The following ADGRD1 variants were observed in gnomAD, a reference collection of about 807,000 sequenced individuals.
ADGRD1 encodes adhesion G protein-coupled receptor D1, also known as G-protein coupled receptor 133.
ADGRD1 carries 77 observed loss-of-function variants against 113.4 expected under a neutral mutation model. The ratio of observed to expected loss-of-function variants is 0.68; its 90% confidence interval spans 0.57 to 0.82. ADGRD1 has a LOEUF of 0.82. Ranked by LOEUF, ADGRD1 falls within the 40% of genes least tolerant of loss-of-function variation. ADGRD1 has a pLI of 0.00. For missense variants in ADGRD1, 1,036 were observed against 1,139.1 expected (o/e 0.91, Z 1.30); for synonymous variants, 474 against 475.0 (o/e 1.00, Z 0.03).
intron 20 of ADGRD1, among the ~76,000 whole-genome samples, chr12:131,129,197 TGA>T (rs1324292180): frequency 2.0e-5 from 2 of 99,722 alleles, no homozygotes; most frequent in South Asian, 4.3e-4. Flanking sequence ...CTGTCTGGTG[TGA>T]GTGACAGCCC....
At chr12:130,964,039 ATATATT>A (rs1334154220) in intron 2 of ADGRD1, among the ~76,000 whole-genome samples, 4 of 152,136 alleles carry the variant, frequency 2.6e-5, no homozygotes, top group Non-Finnish European at 5.9e-5. Context: ...GCATCACTTG[ATATATT>A]TATACGTAAT....
chr12:131,005,058 G>T (rs112060187), intron 11 of ADGRD1, among the ~76,000 whole-genome samples: 52 of 152,300 alleles, frequency 3.4e-4, no homozygotes, highest in Admixed American at 9.8e-4. Flanking sequence ...TTAGGGATGG[G>T]GACCAGGACA....
intron 13 of ADGRD1, chr12:131,023,539 C>T (rs1879577341): frequency 6.6e-6 from 1 of 152,158 alleles, no homozygotes; most frequent in Non-Finnish European, 1.5e-5. Flanking sequence ...ATAGCCCCTT[C>T]TGTCTCCTGT....
chr12:131,058,436 G>A (rs1031444185), intron 13 of ADGRD1, among the ~76,000 whole-genome samples: 2 of 152,168 alleles, frequency 1.3e-5, no homozygotes, highest in Non-Finnish European at 2.9e-5. Context: ...GTACACATTT[G>A]CAGGCTGGGA....
At chr12:131,009,166 C>T (rs1002947124) in intron 12 of ADGRD1, among the ~76,000 whole-genome samples, 4 of 152,222 alleles carry the variant, frequency 2.6e-5, no homozygotes, top group East Asian at 1.9e-4. Context: ...ACGTGGGACA[C>T]GTTGTGGGCC....
chr12:130,955,715 A>T (rs1349301446), intron 2 of ADGRD1, among the ~76,000 whole-genome samples: 1 of 151,858 alleles, frequency 6.6e-6, no homozygotes, highest in African/African-American at 2.4e-5. Context: ...TTGGCTGGGC[A>T]CCCCCCCGAG....
At chr12:131,043,251 T>C (rs1882324973) in intron 13 of ADGRD1, among the ~76,000 whole-genome samples, 1 of 152,160 alleles carries the variant, frequency 6.6e-6, no homozygotes, top group Non-Finnish European at 1.5e-5. Flanking sequence ...CCCACAGCTC[T>C]GGTGAAGAGC....
chr12:131,000,227 A>G (rs1015636604), intron 8 of ADGRD1, among the ~76,000 whole-genome samples, 156 bp from the exon 9 acceptor site: 2 of 152,208 alleles, frequency 1.3e-5, no homozygotes, highest in African/African-American at 4.8e-5. Context: ...GTAACATATC[A>G]TGTGGTCCAT....
In ADGRD1 at chr12:131,041,004, G is replaced by C. The variant is rs2136983755; in HGVS notation, c.1473+26664G>C. 6.6e-6 allele frequency among the ~76,000 whole-genome samples: 1 copy of C among 152,230 alleles called. No individual in the cohort carries two copies. Among genetic ancestry groups the C allele is most frequent in the African/African-American group, 2.4e-5 (1 of 41,504 alleles). On this transcript the variant is annotated intron_variant, in intron 13 of 24. Coordinates refer to ENST00000261654, the MANE Select transcript of ADGRD1 (RefSeq NM_198827.5). This position sits in a 1 kb window ranked among gnomAD's most constrained non-coding sequence, Gnocchi z 4.4. ...GGCAGGACAGTGGGGCTGAATGGTG[G>C]CCCCCCCGGAGTTTGCCATCATCCC...
intron 14 of ADGRD1, among the ~76,000 whole-genome samples, chr12:131,077,251 G>C (rs1042800282): frequency 1.3e-5 from 2 of 152,142 alleles, no homozygotes; most frequent in African/African-American, 2.4e-5. Context: ...GGGGTTGGGG[G>C]AGTGGCTTCT....
chr12:131,122,192 G>A (rs999482031), intron 20 of ADGRD1, among the ~76,000 whole-genome samples: 4 of 152,158 alleles, frequency 2.6e-5, no homozygotes, highest in Non-Finnish European at 4.4e-5. Context: ...GGGCGTCAGG[G>A]GCCCAGGGGT....
At chr12:131,105,275 A>C (rs1950206556) in intron 16 of ADGRD1, among the ~76,000 whole-genome samples, 1 of 152,266 alleles carries the variant, frequency 6.6e-6, no homozygotes, top group African/African-American at 2.4e-5. Context: ...ACAATAACCA[A>C]GTAAACAAAA....
intron 20 of ADGRD1, among the ~76,000 whole-genome samples, chr12:131,124,080 C>T (rs905557304): frequency 2.6e-5 from 4 of 152,182 alleles, no homozygotes; most frequent in African/African-American, 4.8e-5. Flanking sequence ...CAGGGGGTGC[C>T]GTGGAGGTTC....
chr12:130,973,270 G>A (rs1871909851), intron 4 of ADGRD1: 1 of 152,256 alleles, frequency 6.6e-6, no homozygotes, highest in African/African-American at 2.4e-5. Flanking sequence ...TCCACTTCCG[G>A]TTCCGACCTG....
intron 13 of ADGRD1, among the ~76,000 whole-genome samples, chr12:131,051,091 A>G (rs1235863462): frequency 1.3e-5 from 2 of 152,166 alleles, no homozygotes; most frequent in Non-Finnish European, 2.9e-5. Context: ...AACACTGGGG[A>G]TTATAGTTCA....
chr12:131,000,427 G>T lies in ADGRD1; in HGVS notation c.1011G>T (p.Trp337Cys), dbSNP rs1260741968. Residue 337 changes from tryptophan to cysteine, a missense_variant, in exon 9 of 25, where the codon TGG (tryptophan) becomes TGT (cysteine). By Grantham distance (215) the Trp-to-Cys change is radical. Transcript: ENST00000261654. The stretch of plus-strand genomic sequence containing the variant: ...GAGAGATCCTTCTACTGCCTGGTTG[G>T]ATTGCTCTGTCAGAGGTAAGAGAAA... ...AVGEILLLPGWIALSEDSAVV... is the reference protein window; with the variant it reads ...AVGEILLLPGCIALSEDSAVV... The T allele has an allele frequency of 6.2e-7, 1 of 1,612,698 alleles. No individual in the cohort carries two copies. Among genetic ancestry groups the T allele is most frequent in the Admixed American group, 1.7e-5 (1 of 59,998 alleles).
chr12:131,004,392 G>GCTACGGTGCTCCCCCGGGCCGC, intron 11 of ADGRD1, 96 bp downstream of exon 11: 1 of 790,718 alleles, frequency 1.3e-6, no homozygotes, highest in Non-Finnish European at 2.1e-6. Context: ...GCGCCAGGGA[G>GCTACGGTGCTCCCCCGGGCCGC]CTGCGGTGCT....
chr12:130,993,613 C>T (rs939668783), intron 8 of ADGRD1, among the ~76,000 whole-genome samples: 2 of 152,064 alleles, frequency 1.3e-5, no homozygotes, highest in African/African-American at 4.8e-5. Context: ...GGCTCTGTGT[C>T]CGTGGGAAGG....
chr12:131,029,949 A>ATG (rs1566045008), intron 13 of ADGRD1, among the ~76,000 whole-genome samples: 49 of 46,306 alleles, frequency 1.1e-3, no homozygotes, highest in African/African-American at 2.7e-3. Flanking sequence ...CCCCTCGTTC[A>ATG]GTGACATTCC....
Sources: gnomAD v4.1 joint callset for allele counts (sites outside exome capture counted in the v4.1 genomes callset) on GRCh38, gnomAD v4.1.1 for gene constraint, Gnocchi (gnomAD v3.1) non-coding constraint, MANE v1.5 for transcripts, NCBI Gene and HGNC (gene_info 2026-07-23, HGNC 2026-07-21) for gene names.